The following CNTNAP2 variants were observed in gnomAD, a reference collection of about 807,000 sequenced individuals.
The protein encoded by CNTNAP2 is contactin associated protein 2, also known as contactin-associated protein-like 2.
A neutral mutation model predicts 155.2 loss-of-function variants in CNTNAP2; 98 were observed. The ratio of observed to expected loss-of-function variants is 0.63; its 90% CI spans 0.54 to 0.75. The LOEUF (loss-of-function observed/expected upper bound fraction) is 0.75, where lower values mean the gene tolerates loss of function less well. Ranked by LOEUF, CNTNAP2 falls within the 30% of genes least tolerant of loss-of-function variation. CNTNAP2 has a pLI of 0.00. For missense variants in CNTNAP2, 1,727 were observed against 1,688.1 expected (o/e 1.02, Z -0.40); for synonymous variants, 651 against 631.2 (o/e 1.03, Z -0.47).
At position 147,213,148 on chromosome 7, in the gene CNTNAP2, T is replaced by C. The variant is rs145300499; in HGVS notation, c.1348+80639T>C. ...ACAAATTGAAAAATGAGAAAAGCTA[T>C]TGCTGTAATTCAGTGTGAATCTGAA... On this transcript the variant is annotated intron_variant, in intron 8 of 23. Coordinates refer to ENST00000361727, the MANE Select transcript of CNTNAP2 (RefSeq NM_014141.6). 2.2e-4 allele frequency among the ~76,000 whole-genome samples: 34 copies of C among 152,228 alleles called. No homozygotes were observed. The East Asian group carries it at 5.6e-3, about 25-fold the overall frequency.
intron 12 of CNTNAP2, among the ~76,000 whole-genome samples, chr7:147,615,704 GT>G (rs545469954): frequency 2.0e-5 from 3 of 150,182 alleles, no homozygotes; most frequent in African/African-American, 4.9e-5. Flanking sequence ...AAGAAAAATC[GT>G]TTTTTTTTCT....
At chr7:148,219,756 C>A (rs889672888) in intron 19 of CNTNAP2, among the ~76,000 whole-genome samples, 1 of 152,042 alleles carries the variant, frequency 6.6e-6, no homozygotes, top group Non-Finnish European at 1.5e-5. Flanking sequence ...ATCGCTGGAG[C>A]CCAGAAGTTG....
At chr7:146,493,387 C>T (rs1158093575) in intron 1 of CNTNAP2, among the ~76,000 whole-genome samples, 1 of 152,030 alleles carries the variant, frequency 6.6e-6, no homozygotes, top group Non-Finnish European at 1.5e-5. Flanking sequence ...GTTTTGGAGT[C>T]ATGTTTGTGT....
intron 1 of CNTNAP2, among the ~76,000 whole-genome samples, chr7:146,263,275 GAGGA>G (rs1266735414): frequency 8.9e-4 from 126 of 141,166 alleles, no homozygotes; most frequent in African/African-American, 3.5e-3. Flanking sequence ...GGGAGGGAGG[GAGGA>G]AGGAAGGAAG....
intron 9 of CNTNAP2, among the ~76,000 whole-genome samples, chr7:147,313,104 G>T (rs1795155782): frequency 1.5e-5 from 2 of 135,324 alleles, no homozygotes; most frequent in Non-Finnish European, 3.1e-5. Context: ...CTTTTTGATG[G>T]GGTTGTTTGT....
chr7:146,867,066 T>C (rs1383706291), intron 3 of CNTNAP2, among the ~76,000 whole-genome samples: 1 of 152,118 alleles, frequency 6.6e-6, no homozygotes, highest in Non-Finnish European at 1.5e-5. Flanking sequence ...GCTTGTTACA[T>C]AGGTAAACAC....
At chr7:148,271,868 C>G (rs1253693898) in intron 21 of CNTNAP2, among the ~76,000 whole-genome samples, 3 of 152,156 alleles carry the variant, frequency 2.0e-5, no homozygotes, top group African/African-American at 7.2e-5. Flanking sequence ...ATTGAACTTG[C>G]AACTGATATG....
At chr7:147,669,750 T>C (rs909937648) in intron 13 of CNTNAP2, among the ~76,000 whole-genome samples, 3 of 152,216 alleles carry the variant, frequency 2.0e-5, no homozygotes, top group Non-Finnish European at 4.4e-5. Flanking sequence ...ATTGTCCGCC[T>C]CCTGGACTCA....
At chr7:147,382,809 G>A (rs1796557831) in intron 9 of CNTNAP2, among the ~76,000 whole-genome samples, 1 of 152,172 alleles carries the variant, frequency 6.6e-6, no homozygotes, top group African/African-American at 2.4e-5. Flanking sequence ...AAATGTGATT[G>A]TCAGAAAAGT....
At chr7:148,000,511 G>A (rs565850142) in intron 15 of CNTNAP2, among the ~76,000 whole-genome samples, 15 of 152,170 alleles carry the variant, frequency 9.9e-5, no homozygotes, top group African/African-American at 1.7e-4. Flanking sequence ...TTTTACAGAC[G>A]TGAAAACCAT....
At chr7:146,438,284 CTT>C (rs10585690) in intron 1 of CNTNAP2, among the ~76,000 whole-genome samples, 56,856 of 145,998 alleles carry the variant, frequency 0.39, 12,509 homozygotes, top group African/African-American at 0.58. Context: ...TCCATAGAAG[CTT>C]TTTTTTTTTT....
chr7:146,848,536 T>C (rs1794805391), intron 3 of CNTNAP2, among the ~76,000 whole-genome samples: 1 of 152,146 alleles, frequency 6.6e-6, no homozygotes, highest in Non-Finnish European at 1.5e-5. Flanking sequence ...TTGCCTAGGT[T>C]GTTTTGGGAA....
At chr7:148,099,421 T>TTGTGTGTGTGTGTGTGTGTGTG (rs35957905) in intron 15 of CNTNAP2, among the ~76,000 whole-genome samples, 3 of 140,966 alleles carry the variant, frequency 2.1e-5, no homozygotes, top group African/African-American at 5.4e-5. Context: ...AGCATTGCAA[T>TTGTGTGTGTGTGTGTGTGTGTG]TGTGTGTGTG....
intron 1 of CNTNAP2, among the ~76,000 whole-genome samples, chr7:146,619,814 G>T: frequency 6.6e-6 from 1 of 152,096 alleles, no homozygotes; most frequent in South Asian, 2.1e-4. Context: ...GTTTTGATAG[G>T]TTTTCTCCAT....
At chr7:148,242,721 G>GCA (rs778446116) in intron 20 of CNTNAP2, among the ~76,000 whole-genome samples, 1 of 152,320 alleles carries the variant, frequency 6.6e-6, no homozygotes, top group Non-Finnish European at 1.5e-5. Context: ...TGAGCCCTGG[G>GCA]CACACACGAG....
At chr7:147,691,764 C>T (rs1307822479) in intron 13 of CNTNAP2, among the ~76,000 whole-genome samples, 1 of 151,946 alleles carries the variant, frequency 6.6e-6, no homozygotes, top group African/African-American at 2.4e-5. Context: ...TATGGAGTTT[C>T]CATATTCCCT....
intron 1 of CNTNAP2, among the ~76,000 whole-genome samples, chr7:146,723,078 G>A (rs968791430): frequency 6.6e-6 from 1 of 152,120 alleles, no homozygotes; most frequent in African/African-American, 2.4e-5. Flanking sequence ...TGAATGTAAG[G>A]TTATTTGCAG....
At chr7:147,997,743 C>G (rs563308739) in intron 15 of CNTNAP2, among the ~76,000 whole-genome samples, 88 of 152,082 alleles carry the variant, frequency 5.8e-4, no homozygotes, top group Admixed American at 1.2e-3. Context: ...GGAGACTCCC[C>G]TTATGGGAGT....
chr7:147,156,216 C>T (rs976059756), intron 8 of CNTNAP2, among the ~76,000 whole-genome samples: 15 of 152,094 alleles, frequency 9.9e-5, no homozygotes, highest in Non-Finnish European at 5.9e-5. Context: ...TGTTATTCAA[C>T]TAAAATTGTC....
Sources: gnomAD v4.1 joint callset for allele counts (sites outside exome capture counted in the v4.1 genomes callset) on GRCh38, gnomAD v4.1.1 for gene constraint, MANE v1.5 for transcripts, NCBI Gene and HGNC (gene_info 2026-07-23, HGNC 2026-07-21) for gene names.